HSPG2: variants seen among roughly 807,000 people sequenced by gnomAD.
The protein encoded by HSPG2 is heparan sulfate proteoglycan 2.
HSPG2 carries 278 observed loss-of-function variants against 526.6 expected under a neutral mutation model. The observed-to-expected ratio is 0.53, with a 90% CI of 0.48 to 0.58. The LOEUF (loss-of-function observed/expected upper bound fraction) is 0.58, where lower values mean the gene tolerates loss of function less well. Ranked by LOEUF, HSPG2 falls within the 20% of genes least tolerant of loss-of-function variation. HSPG2 has a pLI of 0.00. For missense variants in HSPG2, 5,354 were observed against 6,099.5 expected (o/e 0.88, Z 4.07); for synonymous variants, 2,465 against 2,555.4 (o/e 0.96, Z 1.07).
At position 21,824,665 on chromosome 1, in the gene HSPG2, C is replaced by G. The variant is rs2097964237; in HGVS notation, c.12665+39G>C. On this transcript the variant is annotated intron_variant, in intron 92 of 96. Transcript: ENST00000374695. The surrounding 1 kb of genome is among the most constrained non-coding windows in gnomAD (Gnocchi z 5.9). Reference sequence around the variant, plus strand: ...GACAGAAGTCCCAGATTCCCATCCTCCCCATTAGGCCCATGGGCCCTTCCA... The same window carrying G: ...GACAGAAGTCCCAGATTCCCATCCTGCCCATTAGGCCCATGGGCCCTTCCA... 3 of 1,613,116 alleles carry G rather than the reference C, an allele frequency of 1.9e-6. No individual in the cohort carries two copies. Among genetic ancestry groups the G allele is most frequent in the African/African-American group, 2.7e-5 (2 of 74,920 alleles).
chr1:21,860,002 G>T lies in HSPG2; in HGVS notation c.5015C>A (p.Thr1672Lys). 1 of 1,610,076 alleles carries T rather than the reference G, an allele frequency of 6.2e-7. No homozygotes were observed. Residue 1672 changes from threonine to lysine, a missense_variant and splice_region_variant, in exon 41 of 97, where the codon ACA (threonine) becomes AAA (lysine). Thr to Lys is a moderately conservative substitution (Grantham distance 78). Transcript: ENST00000374695. ...CTCGACCACCAGTGGGGCTTGGTTT[G>T]CTGGGGGTGGGGGCCGGGACAGGAA... ...SVQGGQCLPETNQAPLVVEVH... is the reference protein window; with the variant it reads ...SVQGGQCLPEKNQAPLVVEVH...
At chr1:21,903,372 A>C (rs544584944) in intron 1 of HSPG2, among the ~76,000 whole-genome samples, 1 of 152,322 alleles carries the variant, frequency 6.6e-6, no homozygotes, top group East Asian at 1.9e-4. Flanking sequence ...AGGCAGAGGC[A>C]GGCGGATCAC....
chr1:21,888,837 A>C (rs2152764259), intron 6 of HSPG2: 1 of 584,978 alleles, frequency 1.7e-6, no homozygotes, highest in Non-Finnish European at 2.6e-6. Context: ...GTGAGAGAGG[A>C]GGGCTGGACC....
intron 76 of HSPG2, chr1:21,835,297 T>C (rs545274551): frequency 3.3e-5 from 20 of 603,130 alleles, no homozygotes; most frequent in East Asian, 2.8e-4. Flanking sequence ...TTCACACTGA[T>C]TCAATCTTCA....
In HSPG2 at chr1:21,872,391, A is replaced by T. The variant is rs752656361; in HGVS notation, c.4030-14T>A. 6.4e-7 allele frequency: 1 copy of T among 1,556,710 alleles called. No individual in the cohort carries two copies. The highest frequency in any genetic ancestry group is 2.4e-5 in the East Asian group (1 of 42,004). On this transcript the variant is annotated splice_polypyrimidine_tract_variant and intron_variant, in intron 32 of 96. Coordinates refer to ENST00000374695, the MANE Select transcript of HSPG2 (RefSeq NM_005529.7). This position sits in a 1 kb window ranked among gnomAD's most constrained non-coding sequence, Gnocchi z 5.5. ...GTGGGTGGAGATCTGGCAGGGGAAA[A>T]AGGAGGGGGCGTCAGCCTGAGCACC... is the stretch of plus-strand genomic sequence containing the variant.
chr1:21,873,494 C>T (rs1640813093), intron 29 of HSPG2, 70 bp from the exon 30 acceptor site: 1 of 1,446,840 alleles, frequency 6.9e-7, no homozygotes, highest in Non-Finnish European at 9.7e-7. Flanking sequence ...GGGCTGAGGG[C>T]CCCATATTGA....
chr1:21,900,257 G>A (rs551629066), intron 1 of HSPG2, among the ~76,000 whole-genome samples: 6 of 152,328 alleles, frequency 3.9e-5, no homozygotes, highest in East Asian at 3.9e-4. Flanking sequence ...CTGGTTTGGC[G>A]GTGTGCAGGC....
At position 21,934,874 on chromosome 1, in the gene HSPG2, C is replaced by T. The variant is rs969550526; in HGVS notation, c.63+2281G>A. Among the ~76,000 whole-genome samples, 7 of 151,830 alleles carry T rather than the reference C, an allele frequency of 4.6e-5. No homozygotes were observed. In the East Asian group the frequency reaches 1.4e-3, roughly 29 times the overall value. On this transcript the variant is annotated intron_variant, in intron 1 of 96. Transcript: ENST00000374695. Reference sequence around the variant, plus strand: ...CCTCCCAAAGTCCTGGGATTACTGGCGTGTGCCACCGCGCCTGGCCCCGAA... The same window carrying T: ...CCTCCCAAAGTCCTGGGATTACTGGTGTGTGCCACCGCGCCTGGCCCCGAA...
chr1:21,914,424 G>A (rs540670489), intron 1 of HSPG2, among the ~76,000 whole-genome samples: 13 of 152,278 alleles, frequency 8.5e-5, no homozygotes, highest in Admixed American at 7.8e-4. Flanking sequence ...AAAACAGCCA[G>A]GAGGCCGGTT....
At chr1:21,834,306 C>T (rs1260972347) in intron 77 of HSPG2, among the ~76,000 whole-genome samples, 1 of 152,206 alleles carries the variant, frequency 6.6e-6, no homozygotes, top group African/African-American at 2.4e-5. Flanking sequence ...TGTGTCTGCC[C>T]TGCATCTGTT....
Position 21,896,275 on chromosome 1 carries a change from A to G in HSPG2, c.99T>C (p.Ser33=). ...THGLRAYDGL[S]LPEDIETVTA... ...TGACGGTCTCTATGTCCTCAGGCAG[A>G]GACAAGCCATCGTATGCCCTCAGCC... Residue 33 remains serine (S), a synonymous_variant, in exon 2 of 97, where the codon TCT becomes TCC. Transcript: ENST00000374695. The G allele has an allele frequency of 6.2e-7, 1 of 1,614,026 alleles. No homozygotes were observed. Among genetic ancestry groups the G allele is most frequent in the Non-Finnish European group, 8.5e-7 (1 of 1,180,026 alleles).
rs897467 is a variant in HSPG2 at position 21,823,442 on chromosome 1, T to G, written c.13050A>C (p.Ser4350=). 8 of 1,590,216 alleles carry G rather than the reference T, an allele frequency of 5.0e-6. No homozygotes were observed. Among genetic ancestry groups the G allele is most frequent in the Non-Finnish European group, 6.8e-6 (8 of 1,173,016 alleles). ...GGTTCTTGACACAGCCTGTGATGCC[T>G]GAGGAGAATCTGCCCCCGGTCAGCG... The part of the protein sequence containing the change: ...VATLTGGRFS[S]GITGCVKNLV... The change falls in exon 97 of 97, where the codon TCA becomes TCC. Residue 4350 remains serine (S), a synonymous_variant. Coordinates refer to ENST00000374695, the MANE Select transcript of HSPG2 (RefSeq NM_005529.7).
At chr1:21,932,653 G>A (rs12034979) in intron 1 of HSPG2, among the ~76,000 whole-genome samples, 13,792 of 152,240 alleles carry the variant, frequency 0.091, 739 homozygotes, top group Non-Finnish European at 0.11. Context: ...TATGGGAAGA[G>A]TGGTAAGGAC....
Position 21,848,218 on chromosome 1 carries a change from T to C in HSPG2, c.7738-125A>G. 1 of 1,122,962 alleles carries C rather than the reference T, an allele frequency of 8.9e-7. No individual in the cohort carries two copies. Among genetic ancestry groups the C allele is most frequent in the Non-Finnish European group, 1.3e-6 (1 of 772,770 alleles). The allele number at this position is 1,122,962 out of a possible 1,614,324, so 69.6% of individuals were successfully genotyped here. ...TGCCTTGCCTCCTCAGTGGCCTTCG[T>C]GAAGCTCCCAGCATGGCATGTGGCC... On this transcript the variant is annotated intron_variant, in intron 59 of 96. Coordinates refer to ENST00000374695, the MANE Select transcript of HSPG2 (RefSeq NM_005529.7). This position sits in a 1 kb window ranked among gnomAD's most constrained non-coding sequence, Gnocchi z 4.9.
In HSPG2 at chr1:21,850,225, C is replaced by A. The variant is rs201651385; in HGVS notation, c.7295-33G>T. Reference sequence around the variant, plus strand: ...CAGAGGGCAAAGGGTCAATAGCCGGCTAGGAGGTGAGATGAGATGGGGCTC... The same window carrying A: ...CAGAGGGCAAAGGGTCAATAGCCGGATAGGAGGTGAGATGAGATGGGGCTC... On this transcript the variant is annotated intron_variant, in intron 56 of 96. Transcript: ENST00000374695. 1.7e-3 allele frequency: 2,670 copies of A among 1,613,088 alleles called. 3 individuals carry two copies. The highest frequency in any genetic ancestry group is 1.9e-3 in the Non-Finnish European group (2,273 of 1,179,996).
intron 39 of HSPG2, among the ~76,000 whole-genome samples, chr1:21,861,351 C>T (rs1199655303): frequency 6.6e-6 from 1 of 152,104 alleles, no homozygotes; most frequent in Non-Finnish European, 1.5e-5. Context: ...ATAAGCAAGG[C>T]CTGAACATCA....
intron 74 of HSPG2, among the ~76,000 whole-genome samples, chr1:21,837,326 G>A (rs867507142): frequency 2.0e-5 from 3 of 152,220 alleles, no homozygotes; most frequent in Admixed American, 6.5e-5. Flanking sequence ...CTGTTCCCAG[G>A]CTGGAGTGCA....
rs1011303051 is a variant in HSPG2 at position 21,870,944 on chromosome 1, G to A, written c.4221+1242C>T. 27 of 911,284 alleles carry A rather than the reference G, an allele frequency of 3.0e-5. No individual in the cohort carries two copies. The African/African-American group carries it at 4.3e-4, about 15-fold the overall frequency. The allele number at this position is 911,284 out of a possible 1,614,324, so 56.4% of individuals were successfully genotyped here. ...GAGAATTGCAGGACAGGGCAGCAGG[G>A]AGGCCAGGAGATAGCGAACCCCAGA... On this transcript the variant is annotated intron_variant, in intron 33 of 96. Coordinates refer to ENST00000374695, the MANE Select transcript of HSPG2 (RefSeq NM_005529.7).
At chr1:21,827,595 G>A (rs1003886159) in intron 91 of HSPG2, among the ~76,000 whole-genome samples, 1 of 152,198 alleles carries the variant, frequency 6.6e-6, no homozygotes, top group Admixed American at 6.5e-5. Context: ...TCAGGGCAAG[G>A]ATGGGCAACA....
Sources: gnomAD v4.1 joint callset for allele counts (sites outside exome capture counted in the v4.1 genomes callset) on GRCh38, gnomAD v4.1.1 for gene constraint, Gnocchi (gnomAD v3.1) non-coding constraint, MANE v1.5 for transcripts, NCBI Gene and HGNC (gene_info 2026-07-23, HGNC 2026-07-21) for gene names.